The following PAX5 variants were observed in gnomAD, a reference collection of about 807,000 sequenced individuals.
PAX5 encodes the protein paired box 5.
In PAX5, 9 loss-of-function variants were observed where a neutral mutation model predicts 43.7. The ratio of observed to expected loss-of-function variants is 0.21; its 90% CI spans 0.12 to 0.36. The LOEUF (loss-of-function observed/expected upper bound fraction) is 0.36, where lower values mean the gene tolerates loss of function less well. PAX5 is among the 10% of genes least tolerant of loss of function. The probability of loss-of-function intolerance (pLI) is 1.00; values close to 1 mark genes in which losing one functional copy is unlikely to be tolerated. For synonymous variants in PAX5, 228 were observed against 214.3 expected, an observed-to-expected ratio of 1.06 and a Z score of -0.56; for missense variants, 383 against 532.7, an observed-to-expected ratio of 0.72 and a Z score of 2.77.
chr9:36,983,029 C>A (rs540782630), intron 5 of PAX5, among the ~76,000 whole-genome samples: 104 of 152,202 alleles, frequency 6.8e-4, no homozygotes, highest in African/African-American at 2.4e-3. Flanking sequence ...CAGTTCAGCA[C>A]GGTAAATAAT....
At chr9:36,859,940 C>A (rs549847596) in intron 8 of PAX5, among the ~76,000 whole-genome samples, 2 of 150,040 alleles carry the variant, frequency 1.3e-5, no homozygotes, top group African/African-American at 4.9e-5. Context: ...GAGGCTGAGG[C>A]AGGAGAATGG....
intron 6 of PAX5, among the ~76,000 whole-genome samples, chr9:36,963,416 G>C (rs1028645211): frequency 2.6e-5 from 4 of 151,986 alleles, no homozygotes. Context: ...CATTGTCCTT[G>C]ATGCTCCCAA....
chr9:37,014,420 C>A (rs111756257), intron 3 of PAX5, among the ~76,000 whole-genome samples: 2,931 of 152,298 alleles, frequency 0.019, 33 homozygotes, highest in South Asian at 0.065. Context: ...AGATGCACAT[C>A]AGAACCACTG....
intron 5 of PAX5, among the ~76,000 whole-genome samples, chr9:36,977,162 C>A (rs116851415): frequency 3.3e-5 from 5 of 152,142 alleles, no homozygotes; most frequent in Admixed American, 2.0e-4. Context: ...GCTCACTCTG[C>A]GAGACACTGT....
chr9:36,919,669 C>T (rs914358161), intron 7 of PAX5, among the ~76,000 whole-genome samples: 2 of 151,668 alleles, frequency 1.3e-5, no homozygotes, highest in Non-Finnish European at 1.5e-5. Context: ...GGTGAAACTC[C>T]GTCTCTACTA....
chr9:36,841,358 C>A (rs1224746806), intron 9 of PAX5, among the ~76,000 whole-genome samples: 3 of 152,256 alleles, frequency 2.0e-5, no homozygotes, highest in East Asian at 1.9e-4. Context: ...TACTCTCCTG[C>A]CTCTGTGCCT....
intron 7 of PAX5, among the ~76,000 whole-genome samples, chr9:36,903,548 G>A (rs1471654456): frequency 6.6e-6 from 1 of 152,252 alleles, no homozygotes; most frequent in Admixed American, 6.5e-5. Context: ...AGAGCCCTGA[G>A]GCTGCTGGGG....
Position 36,840,587 on chromosome 9 carries a change from T to G in PAX5, c.1149A>C (p.Ala383=), listed in dbSNP as rs200635509. 141 of 1,587,246 alleles carry G rather than the reference T, an allele frequency of 8.9e-5. No individual in the cohort carries two copies. The African/African-American group carries it at 1.7e-3, about 19-fold the overall frequency. ...AGTGACGGTCATAGGCAGTGGCGGC[T>G]GCAGGTGGGGCGGCTCCTCGGGCGG... ...SAAARGAAPP[A]AATAYDRH Residue 383 remains alanine, a synonymous_variant, in exon 10 of 10, where the codon GCA becomes GCC. Transcript: ENST00000358127.
intron 8 of PAX5, among the ~76,000 whole-genome samples, chr9:36,868,455 G>A (rs1292378621): frequency 1.3e-5 from 2 of 152,226 alleles, no homozygotes; most frequent in East Asian, 1.9e-4. Context: ...GCACACAGTG[G>A]GGAGATGAGG....
At position 36,873,783 on chromosome 9, in the gene PAX5, C is replaced by A. The variant is rs905129442; in HGVS notation, c.1012+8221G>T. Among the ~76,000 whole-genome samples the A allele has an allele frequency of 3.9e-5, 6 of 152,346 alleles. 1 individual carries two copies. Among genetic ancestry groups the A allele is most frequent in the Non-Finnish European group, 8.8e-5 (6 of 68,040 alleles). ...TGGACCCTCCCAAGTCTGCCCATTC[C>A]AATGTCTTCAGTACTAATCATAGGA... On this transcript the variant is annotated intron_variant, in intron 8 of 9. Transcript: ENST00000358127.
intron 9 of PAX5, 73 bp from the exon 10 acceptor site, chr9:36,840,709 C>T: frequency 1.1e-6 from 1 of 903,248 alleles, no homozygotes; most frequent in South Asian, 1.6e-5. Flanking sequence ...CACTTCTGTC[C>T]TTTCCTCCCC....
At chr9:37,008,255 C>T (rs189977267) in intron 3 of PAX5, among the ~76,000 whole-genome samples, 166 of 152,262 alleles carry the variant, frequency 1.1e-3, no homozygotes, top group Admixed American at 2.4e-3. Flanking sequence ...GGTTTCACCA[C>T]GTTAGCCAGG....
intron 1 of PAX5, 90 bp from the exon 2 acceptor site, chr9:37,020,891 C>G (rs990508507): frequency 8.5e-6 from 12 of 1,406,756 alleles, no homozygotes; most frequent in Non-Finnish European, 1.2e-5. Context: ...CAGAGCCCCT[C>G]TGATCACAAA....
Position 37,033,973 on chromosome 9 carries a change from A to T in PAX5, c.46+13T>A. 6.2e-7 allele frequency: 1 copy of T among 1,611,026 alleles called. No individual in the cohort carries two copies. Among genetic ancestry groups the T allele is most frequent in the East Asian group, 2.2e-5 (1 of 44,846 alleles). On this transcript the variant is annotated intron_variant, in intron 1 of 9. Transcript: ENST00000358127. Reference sequence around the variant, plus strand: ...CGGAGTTTGCACATCTGGAGCCCGTATCGCGGTCCTACCTGTCCTGCTGGT... The same window carrying T: ...CGGAGTTTGCACATCTGGAGCCCGTTTCGCGGTCCTACCTGTCCTGCTGGT...
intron 1 of PAX5, among the ~76,000 whole-genome samples, chr9:37,032,597 G>A (rs1452715860): frequency 6.6e-6 from 1 of 152,152 alleles, no homozygotes; most frequent in African/African-American, 2.4e-5. Flanking sequence ...CTGGGCTTGG[G>A]GTCTAAGTTT....
chr9:36,914,859 T>C (rs566802676), intron 7 of PAX5, among the ~76,000 whole-genome samples: 1 of 152,386 alleles, frequency 6.6e-6, no homozygotes, highest in Admixed American at 6.5e-5. Flanking sequence ...CATCTGTGTG[T>C]CTATCCTTTA....
intron 6 of PAX5, among the ~76,000 whole-genome samples, chr9:36,936,884 A>G (rs1831606452): frequency 6.6e-6 from 1 of 152,022 alleles, no homozygotes; most frequent in Non-Finnish European, 1.5e-5. Flanking sequence ...TCCTCAGGCC[A>G]AAGACCACCT....
intron 6 of PAX5, among the ~76,000 whole-genome samples, chr9:36,966,163 G>A (rs1367270868): frequency 6.6e-6 from 1 of 152,200 alleles, no homozygotes; most frequent in Admixed American, 6.5e-5. Flanking sequence ...GAGCCCCCAG[G>A]CCGCGTGCTG....
chr9:36,952,864 T>G (rs1833127799), intron 6 of PAX5, among the ~76,000 whole-genome samples: 3 of 152,316 alleles, frequency 2.0e-5, no homozygotes, highest in South Asian at 4.1e-4. Context: ...ACACAAACAG[T>G]TACCTTTTAG....
Sources: gnomAD v4.1 joint callset for allele counts (sites outside exome capture counted in the v4.1 genomes callset) on GRCh38, gnomAD v4.1.1 for gene constraint, MANE v1.5 for transcripts, NCBI Gene and HGNC (gene_info 2026-07-23, HGNC 2026-07-21) for gene names.